Variants in CACNA1A observed in about 807,000 individuals in gnomAD.
The protein encoded by CACNA1A is voltage-dependent P/Q-type calcium channel subunit alpha-1A.
In CACNA1A, 57 loss-of-function variants were observed where a neutral mutation model predicts 262.4. The ratio of observed to expected loss-of-function variants is 0.22; its 90% CI spans 0.18 to 0.27. CACNA1A has a LOEUF of 0.27. Ranked by LOEUF, CACNA1A falls within the 10% of genes least tolerant of loss-of-function variation. The pLI is 1.00. For synonymous variants in CACNA1A, 1,431 were observed against 1,419.3 expected (o/e 1.01, Z -0.18); for missense variants, 2,526 against 3,562.8 (o/e 0.71, Z 7.41).
chr19:13,255,705 T>TTCCCTCCCTCCCTCCTTCCC (rs2056533418), intron 28 of CACNA1A, among the ~76,000 whole-genome samples: 4 of 31,908 alleles, frequency 1.3e-4, no homozygotes, highest in Non-Finnish European at 1.9e-4. Context: ...CCCTCCTTCC[T>TTCCCTCCCTCCCTCCTTCCC]TCCCTCCCTC....
intron 1 of CACNA1A, among the ~76,000 whole-genome samples, chr19:13,467,643 C>T (rs1180317147): frequency 6.7e-6 from 1 of 148,396 alleles, no homozygotes; most frequent in East Asian, 2.0e-4. Flanking sequence ...CTCAGTCTGT[C>T]GCCCAGGCTG....
rs536869750 is a variant in CACNA1A at position 13,236,190 on chromosome 19, G to A, written c.4951-460C>T. ...GGTCAAGTTGCGGAATCTATCATAC[G>A]TGTACGATGCACAAACACCAGGGCG... is the stretch of plus-strand genomic sequence containing the variant. On this transcript the variant is annotated intron_variant, in intron 31 of 46. Coordinates refer to ENST00000360228, the MANE Select transcript of CACNA1A (RefSeq NM_001127222.2). This position sits in a 1 kb window ranked among gnomAD's most constrained non-coding sequence, Gnocchi z 4.6. Among the ~76,000 whole-genome samples the A allele has an allele frequency of 1.4e-4, 21 of 150,736 alleles. No homozygotes were observed. Among genetic ancestry groups the A allele is most frequent in the African/African-American group, 2.0e-4 (8 of 41,014 alleles).
chr19:13,464,813 G>A (rs2061200066), intron 1 of CACNA1A, among the ~76,000 whole-genome samples: 1 of 152,168 alleles, frequency 6.6e-6, no homozygotes, highest in South Asian at 2.1e-4. Context: ...CTCCCAAAGT[G>A]CTGGGATTAC....
intron 5 of CACNA1A, chr19:13,363,378 C>T (rs994017645): frequency 2.0e-5 from 3 of 151,914 alleles, no homozygotes; most frequent in African/African-American, 4.8e-5. Flanking sequence ...GCAGAAATAG[C>T]TCTGCCTCAA....
chr19:13,253,515 G>A (rs1379827649), intron 29 of CACNA1A, among the ~76,000 whole-genome samples: 2 of 127,306 alleles, frequency 1.6e-5, no homozygotes, highest in Non-Finnish European at 1.6e-5. Flanking sequence ...GCGCGATCTC[G>A]GCTCACTGCA....
chr19:13,254,346 C>T (rs1233462822), intron 29 of CACNA1A, among the ~76,000 whole-genome samples: 2 of 151,858 alleles, frequency 1.3e-5, no homozygotes, highest in African/African-American at 4.8e-5. Flanking sequence ...CCCCTTCTCC[C>T]TCATTTCTTT....
chr19:13,314,336 G>A (rs2058087286), intron 11 of CACNA1A, among the ~76,000 whole-genome samples: 1 of 152,198 alleles, frequency 6.6e-6, no homozygotes, highest in Non-Finnish European at 1.5e-5. Flanking sequence ...TGGTTTAAAT[G>A]TTTGTGTCCC....
chr19:13,423,421 TG>T (rs1441919483), intron 3 of CACNA1A, among the ~76,000 whole-genome samples: 1 of 152,208 alleles, frequency 6.6e-6, no homozygotes, highest in Non-Finnish European at 1.5e-5. Context: ...GGGGGAATGG[TG>T]CTGTGTATCT....
Position 13,207,602 on chromosome 19 carries a change from C to G in CACNA1A, c.7232G>C (p.Arg2411Pro), listed in dbSNP as rs763253182. ...PPGPRHHGYYRGSDYDEADGP... is the reference protein window; with the variant it reads ...PPGPRHHGYYPGSDYDEADGP... ...ATCGGCCTCGTCGTAGTCGGAGCCC[C>G]GGTAGTAGCCATGGTGCCGGGGACC... Residue 2411 changes from arginine to proline, a missense_variant, in exon 47 of 47, where the codon CGG becomes CCG. This residue lies in a region of CACNA1A where 929 missense variants were observed against 868.1 expected (regional missense o/e 1.07). Transcript: ENST00000360228. This position sits in a 1 kb window ranked among gnomAD's most constrained non-coding sequence, Gnocchi z 5.7. The G allele has an allele frequency of 4.0e-6, 6 of 1,482,114 alleles. No individual in the cohort carries two copies. The highest frequency in any genetic ancestry group is 2.5e-5 in the South Asian group (2 of 79,202). The allele number at this position is 1,482,114 out of a possible 1,614,324, so 91.8% of individuals were successfully genotyped here.
intron 3 of CACNA1A, among the ~76,000 whole-genome samples, chr19:13,384,722 T>G (rs560195805): frequency 2.4e-4 from 36 of 151,868 alleles, no homozygotes; most frequent in Admixed American, 5.2e-4. Flanking sequence ...CCAAAAACAA[T>G]AGCAACAACA....
intron 11 of CACNA1A, among the ~76,000 whole-genome samples, chr19:13,314,985 T>C (rs10402491): frequency 0.18 from 26,905 of 151,946 alleles, 2,638 homozygotes; most frequent in East Asian, 0.35. Flanking sequence ...GTTCCTCAGT[T>C]ACCATGGAAA....
At chr19:13,467,737 T>A (rs1017687144) in intron 1 of CACNA1A, among the ~76,000 whole-genome samples, 3 of 151,806 alleles carry the variant, frequency 2.0e-5, no homozygotes, top group African/African-American at 7.3e-5. Context: ...CCCGAGTAGC[T>A]GGGATTACAG....
rs189273724 is a variant in CACNA1A, at chr19:13,287,318, T to C, written c.3090-352A>G. Among the ~76,000 whole-genome samples the C allele has an allele frequency of 2.7e-3, 417 of 151,788 alleles. 2 individuals are homozygous for C. The highest frequency in any genetic ancestry group is 9.4e-3 in the African/African-American group (390 of 41,398). On this transcript the variant is annotated intron_variant, in intron 19 of 46. Transcript: ENST00000360228. Reference sequence around the variant, plus strand: ...GTGAGCCGTGATCGCCCCACTGCACTCCAGTCTGGGTGACAGAGTGAGACC... The same window carrying C: ...GTGAGCCGTGATCGCCCCACTGCACCCCAGTCTGGGTGACAGAGTGAGACC...
intron 3 of CACNA1A, among the ~76,000 whole-genome samples, chr19:13,393,673 TTCTCTTTCTTTCCTTTTC>T (rs1568602408): frequency 2.0e-5 from 3 of 149,164 alleles, no homozygotes; most frequent in East Asian, 2.0e-4. Flanking sequence ...TTTTCTTTCT[TTCTCTTTCTTTCCTTTTC>T]TTTCTTTACC....
At chr19:13,243,929 TCTC>T (rs2056156374) in intron 31 of CACNA1A, 1 of 152,334 alleles carries the variant, frequency 6.6e-6, no homozygotes, top group Admixed American at 6.6e-5. Context: ...CCAGATCTAT[TCTC>T]CTGACTTCCC....
At chr19:13,504,691 C>T (rs1463814930) in intron 1 of CACNA1A, among the ~76,000 whole-genome samples, 1 of 152,220 alleles carries the variant, frequency 6.6e-6, no homozygotes, top group Non-Finnish European at 1.5e-5. Flanking sequence ...TGGAACTGTG[C>T]GGAGAAGCGG....
chr19:13,237,898 G>T (rs2055930851), intron 31 of CACNA1A, among the ~76,000 whole-genome samples: 1 of 152,180 alleles, frequency 6.6e-6, no homozygotes, highest in Admixed American at 6.5e-5. Flanking sequence ...CATAACATGT[G>T]GACTCGGCCA....
intron 23 of CACNA1A, 86 bp from the exon 24 acceptor site, chr19:13,276,042 G>T: frequency 1.2e-6 from 1 of 839,526 alleles, no homozygotes; most frequent in Non-Finnish European, 1.9e-6. Flanking sequence ...CTCTCGGGGA[G>T]AGGCAGGGAA....
chr19:13,491,001 GAAGA>G lies in CACNA1A; in HGVS notation c.293+14927_293+14930del, dbSNP rs1471168654. ...AAGACAAAGGAAAGGAAGAAGGAAG[GAAGA>G]AAGGAAGGAAGGAAGGAAAGGAAGA... On this transcript the variant is annotated intron_variant, in intron 1 of 46. Transcript: ENST00000360228. Among the ~76,000 whole-genome samples the G allele has an allele frequency of 6.0e-5, 9 of 151,242 alleles. No homozygotes were observed. The East Asian group carries it at 9.9e-4, about 17-fold the overall frequency.
Sources: allele counts gnomAD v4.1 joint callset (sites outside exome capture counted in the v4.1 genomes callset), GRCh38; gene constraint gnomAD v4.1.1; regional missense constraint gnomAD v4.1.1; non-coding constraint Gnocchi (gnomAD v3.1); transcripts MANE v1.5; gene names NCBI Gene and HGNC (gene_info 2026-07-23, HGNC 2026-07-21).